The following FREM3 variants were observed in gnomAD, a reference collection of about 807,000 sequenced individuals.
FREM3 encodes the protein FRAS1 related extracellular matrix 3, also known as FRAS1-related extracellular matrix protein 3.
A neutral mutation model predicts 129.1 loss-of-function variants in FREM3; 105 were observed. That is an observed-to-expected ratio of 0.81 (90% CI 0.69 to 0.96). FREM3 has a LOEUF of 0.96. Ranked by LOEUF, FREM3 falls within the 40% of genes least tolerant of loss-of-function variation. FREM3 has a pLI of 0.00. For missense variants in FREM3, 2,593 were observed against 2,666.3 expected (o/e 0.97, Z 0.61); for synonymous variants, 1,014 against 1,044.9 (o/e 0.97, Z 0.57).
At position 143,698,171 on chromosome 4, in the gene FREM3, T is replaced by C; in HGVS notation, c.2505A>G (p.Arg835=). The change falls in exon 1 of 8, where the codon AGA becomes AGG. Residue 835 remains arginine, a synonymous_variant. Coordinates refer to ENST00000329798, the MANE Select transcript of FREM3 (RefSeq NM_001168235.2). Reference sequence around the variant, plus strand: ...TGCCTCCCTCTAAGATAGCAAAGCCTCTGTTGGTGACTTCTGGGGGCTGGT... The same window carrying C: ...TGCCTCCCTCTAAGATAGCAAAGCCCCTGTTGGTGACTTCTGGGGGCTGGT... ...VDNQPPEVTN[R]GFAILEGGSF... is the part of the protein sequence containing the mutation. 1.3e-6 allele frequency: 2 copies of C among 1,537,454 alleles called. No individual in the cohort carries two copies. Among genetic ancestry groups the C allele is most frequent in the Non-Finnish European group, 1.7e-6 (2 of 1,146,960 alleles).
At position 143,696,248 on chromosome 4, in the gene FREM3, A is replaced by C; in HGVS notation, c.4428T>G (p.Ser1476=). 1 of 1,537,856 alleles carries C rather than the reference A, an allele frequency of 6.5e-7. No individual in the cohort carries two copies. Among genetic ancestry groups the C allele is most frequent in the Non-Finnish European group, 8.7e-7 (1 of 1,147,050 alleles). The change falls in exon 1 of 8, where the codon TCT becomes TCG. Residue 1476 remains serine (S), a synonymous_variant. Coordinates refer to ENST00000329798, the MANE Select transcript of FREM3 (RefSeq NM_001168235.2). ...RAPSLGHLES[S]DYAGEPIASF... Reference sequence around the variant, plus strand: ...AGGCAATGGGTTCCCCAGCATAGTCAGAACTTTCTAAGTGACCCAGGCTTG... The same window carrying C: ...AGGCAATGGGTTCCCCAGCATAGTCCGAACTTTCTAAGTGACCCAGGCTTG...
In FREM3 at chr4:143,698,984, G is replaced by A; in HGVS notation, c.1692C>T (p.Pro564=). 6.5e-7 allele frequency: 1 copy of A among 1,537,290 alleles called. No individual in the cohort carries two copies. Among genetic ancestry groups the A allele is most frequent in the Non-Finnish European group, 8.7e-7 (1 of 1,146,910 alleles). ...CAATATCAGTAGCACTCAGTACAAAGGGAGAGATCTGGACCACCTGCCCTT... is the reference window on the plus strand; with the variant it reads ...CAATATCAGTAGCACTCAGTACAAAAGGAGAGATCTGGACCACCTGCCCTT... ...LTEGQVVQIS[P]FVLSATDIDS... is the part of the protein sequence containing the mutation. Residue 564 remains proline, a synonymous_variant, in exon 1 of 8, where the codon CCC becomes CCT. Transcript: ENST00000329798.
intron 2 of FREM3, among the ~76,000 whole-genome samples, chr4:143,676,228 T>C (rs1363566123): frequency 6.6e-6 from 1 of 152,146 alleles, no homozygotes; most frequent in East Asian, 1.9e-4. Context: ...GATGCAAGGC[T>C]GGTTCAACAT....
chr4:143,679,059 T>C (rs762205698), intron 2 of FREM3, among the ~76,000 whole-genome samples: 9 of 152,222 alleles, frequency 5.9e-5, no homozygotes, highest in Non-Finnish European at 1.2e-4. Flanking sequence ...CACAGTTTAA[T>C]TGTTGTTTAA....
chr4:143,583,895 A>G (rs2149833143), intron 7 of FREM3, among the ~76,000 whole-genome samples: 1 of 152,334 alleles, frequency 6.6e-6, no homozygotes, highest in Non-Finnish European at 1.5e-5. Flanking sequence ...AAGCAACTAC[A>G]CAATTGAGTC....
chr4:143,652,515 C>G (rs556613374), intron 2 of FREM3, among the ~76,000 whole-genome samples: 3 of 152,042 alleles, frequency 2.0e-5, no homozygotes, highest in African/African-American at 4.8e-5. Context: ...AAAGCCTTAA[C>G]GAGCAATAGA....
At position 143,700,106 on chromosome 4, in the gene FREM3, C is replaced by A; in HGVS notation, c.570G>T (p.Arg190Ser). ...TCAGGGAGGCGAAGTCCAGCACTCT[C>A]CTGTCTATGGCGCGGCTCCAGCTTC... ...KLRSWSRAID[R>S]RVLDFASLKS... The change falls in exon 1 of 8, where the codon AGG becomes AGT. Residue 190 changes from arginine (R) to serine (S), a missense_variant. Arg to Ser is a moderately radical substitution (Grantham distance 110). Around this residue, in one of 2 missense-constraint regions of FREM3, gnomAD observed 2,276 missense variants for 2,267.2 expected, o/e 1.00. Coordinates refer to ENST00000329798, the MANE Select transcript of FREM3 (RefSeq NM_001168235.2). The A allele has an allele frequency of 6.5e-7, 1 of 1,537,030 alleles. No homozygotes were observed. Among genetic ancestry groups the A allele is most frequent in the Non-Finnish European group, 8.7e-7 (1 of 1,146,852 alleles).
intron 1 of FREM3, among the ~76,000 whole-genome samples, chr4:143,693,934 G>T (rs556738689): frequency 1.3e-5 from 2 of 151,782 alleles, no homozygotes; most frequent in African/African-American, 2.4e-5. Context: ...TCTAAGGGGA[G>T]TTCTTAAATG....
In FREM3 at chr4:143,700,347, A is replaced by T; in HGVS notation, c.329T>A (p.Leu110His). 1 of 1,534,520 alleles carries T rather than the reference A, an allele frequency of 6.5e-7. No individual in the cohort carries two copies. The highest frequency in any genetic ancestry group is 8.7e-7 in the Non-Finnish European group (1 of 1,145,850). ...GGTGCAGGGGAAGCGGCGCGGGGAG[A>T]GCGCGCCCTTGAGCCGCGGCAGGGC... The part of the protein sequence containing the change: ...LDALPRLKGA[L>H]SPRRFPCTFG... Residue 110 changes from leucine to histidine, a missense_variant, in exon 1 of 8, where the codon CTC becomes CAC. Physicochemically the swap from Leu to His is moderately conservative, Grantham distance 99. Around this residue, in one of 2 missense-constraint regions of FREM3, gnomAD observed 2,276 missense variants for 2,267.2 expected, o/e 1.00. Coordinates refer to ENST00000329798, the MANE Select transcript of FREM3 (RefSeq NM_001168235.2).
At chr4:143,595,007 A>C (rs1274532887) in intron 6 of FREM3, among the ~76,000 whole-genome samples, 2 of 152,250 alleles carry the variant, frequency 1.3e-5, no homozygotes, top group African/African-American at 4.8e-5. Context: ...TTAAGAGAGA[A>C]TGTTCTTTAA....
intron 7 of FREM3, among the ~76,000 whole-genome samples, chr4:143,584,123 A>G (rs1417078432): frequency 6.6e-6 from 1 of 152,240 alleles, no homozygotes; most frequent in Non-Finnish European, 1.5e-5. Context: ...AAAATCTACC[A>G]AACAGGCTGG....
chr4:143,599,082 T>G (rs1325800706), intron 6 of FREM3, among the ~76,000 whole-genome samples: 5 of 152,202 alleles, frequency 3.3e-5, no homozygotes, highest in Admixed American at 3.3e-4. Context: ...ATTTTGCTCT[T>G]GAGTCAGTAT....
intron 7 of FREM3, among the ~76,000 whole-genome samples, chr4:143,584,982 A>G (rs988435748): frequency 6.6e-6 from 1 of 152,218 alleles, no homozygotes; most frequent in African/African-American, 2.4e-5. Context: ...ATCACTCAAA[A>G]CCATACAATT....
chr4:143,595,082 A>T (rs989119824), intron 6 of FREM3, among the ~76,000 whole-genome samples: 4 of 152,266 alleles, frequency 2.6e-5, no homozygotes, highest in African/African-American at 9.6e-5. Flanking sequence ...TAAAATTATC[A>T]TTTAAAATGA....
intron 2 of FREM3, among the ~76,000 whole-genome samples, chr4:143,628,935 A>G (rs1739092944): frequency 6.6e-6 from 1 of 152,154 alleles, no homozygotes. Flanking sequence ...GAGCAGGACA[A>G]AGAAAGCAGG....
intron 3 of FREM3, among the ~76,000 whole-genome samples, chr4:143,625,161 C>A (rs1157781511): frequency 6.6e-6 from 1 of 152,160 alleles, no homozygotes; most frequent in African/African-American, 2.4e-5. Context: ...CCCATCAAGA[C>A]TAAATAGACC....
Position 143,659,297 on chromosome 4 carries a change from G to A in FREM3, c.5276-31537C>T, listed in dbSNP as rs371037933. Among the ~76,000 whole-genome samples, 101 of 150,392 alleles carry A rather than the reference G, an allele frequency of 6.7e-4. 1 individual carries two copies. In the East Asian group the frequency reaches 0.017, roughly 26 times the overall value. On this transcript the variant is annotated intron_variant, in intron 2 of 7. Coordinates refer to ENST00000329798, the MANE Select transcript of FREM3 (RefSeq NM_001168235.2). ...GTGATGTTCCCCTTCCTGTGTCCAC[G>A]TGTTCTCATTGTTCAATTCCCACCT...
At position 143,669,433 on chromosome 4, in the gene FREM3, C is replaced by T. The variant is rs77093119; in HGVS notation, c.5275+23680G>A. On this transcript the variant is annotated intron_variant, in intron 2 of 7. Coordinates refer to ENST00000329798, the MANE Select transcript of FREM3 (RefSeq NM_001168235.2). ...CTTGGACTACAGGCGTGAACCGCCA[C>T]GCCTGGCTATTGTTTAAAACAATTT... Among the ~76,000 whole-genome samples the T allele has an allele frequency of 9.3e-3, 1,412 of 152,196 alleles. 8 individuals carry two copies. Among genetic ancestry groups the T allele is most frequent in the Middle Eastern group, 0.02 (6 of 294 alleles).
At chr4:143,610,605 T>G (rs145557993) in intron 6 of FREM3, among the ~76,000 whole-genome samples, 1 of 152,152 alleles carries the variant, frequency 6.6e-6, no homozygotes, top group Non-Finnish European at 1.5e-5. Context: ...TCACACTAAT[T>G]TGAGAGTAGT....
Sources: gnomAD v4.1 joint callset for allele counts (sites outside exome capture counted in the v4.1 genomes callset) on GRCh38, gnomAD v4.1.1 for gene constraint, gnomAD v4.1.1 regional missense constraint, MANE v1.5 for transcripts, NCBI Gene and HGNC (gene_info 2026-07-23, HGNC 2026-07-21) for gene names.